The following MAP2K1 variants were observed in gnomAD, a reference collection of about 807,000 sequenced individuals.
MAP2K1 encodes the protein dual specificity mitogen-activated protein kinase kinase 1.
In MAP2K1, 16 loss-of-function variants were observed where a neutral mutation model predicts 46.3. The ratio of observed to expected loss-of-function variants is 0.35; its 90% CI spans 0.23 to 0.52. The LOEUF is 0.52. MAP2K1 is among the 20% of genes least tolerant of loss of function. The pLI is 0.94. For missense variants in MAP2K1, 263 were observed against 497.1 expected (o/e 0.53, Z 4.48); for synonymous variants, 183 against 185.6 (o/e 0.99, Z 0.11).
intron 9 of MAP2K1, 142 bp downstream of exon 9, chr15:66,489,418 T>G (rs145009444): frequency 2.4e-6 from 2 of 829,418 alleles, no homozygotes; most frequent in East Asian, 5.1e-5. Flanking sequence ...GCTGCTGCCA[T>G]AAGCCCTTTT....
chr15:66,461,286 T>G (rs1892312691), intron 5 of MAP2K1, among the ~76,000 whole-genome samples: 1 of 151,856 alleles, frequency 6.6e-6, no homozygotes, highest in Non-Finnish European at 1.5e-5. Flanking sequence ...GGGCAGGAGT[T>G]TGAAACCATC....
chr15:66,469,981 A>G (rs1175032994), intron 5 of MAP2K1, among the ~76,000 whole-genome samples: 1 of 151,562 alleles, frequency 6.6e-6, no homozygotes, highest in Non-Finnish European at 1.5e-5. Flanking sequence ...CTGGCTAGCA[A>G]AAACGTGGCA....
chr15:66,478,478 G>GTA (rs1357251992), intron 5 of MAP2K1, among the ~76,000 whole-genome samples: 116 of 95,840 alleles, frequency 1.2e-3, no homozygotes, highest in African/African-American at 2.9e-3. Context: ...ATATATACAG[G>GTA]TGTATATATA....
intron 5 of MAP2K1, among the ~76,000 whole-genome samples, chr15:66,452,267 C>A (rs1892036933): frequency 7.8e-6 from 1 of 128,354 alleles, no homozygotes; most frequent in African/African-American, 2.9e-5. Flanking sequence ...TGCACATGCA[C>A]CCTAAAACTT....
At chr15:66,462,513 A>AG (rs1892351184) in intron 5 of MAP2K1, among the ~76,000 whole-genome samples, 1 of 151,818 alleles carries the variant, frequency 6.6e-6, no homozygotes, top group African/African-American at 2.4e-5. Flanking sequence ...AAAAAAAAAA[A>AG]AAAGATTGGT....
rs57043037 is a variant in MAP2K1 at position 66,396,995 on chromosome 15, C to CT, written c.80+9595dup. ...CTACCATGCCTGGCCTGTAACGCTT[C>CT]TTTTTTTTTTTTTTTTTTTTTTTTT... On this transcript the variant is annotated intron_variant, in intron 1 of 10. Coordinates refer to ENST00000307102, the MANE Select transcript of MAP2K1 (RefSeq NM_002755.4). Among the ~76,000 whole-genome samples, 286 of 39,270 alleles carry CT rather than the reference C, an allele frequency of 7.3e-3. 49 individuals carry two copies. The highest frequency in any genetic ancestry group is 0.022 in the African/African-American group (221 of 9,990). 25.8% of individuals were successfully genotyped at this position (39,270 alleles called of 152,430 possible). A position where few individuals can be genotyped will look rare whatever the true frequency, so the allele number is the denominator to read the frequency against.
chr15:66,395,509 T>C (rs2093365375), intron 1 of MAP2K1, among the ~76,000 whole-genome samples: 1 of 151,994 alleles, frequency 6.6e-6, no homozygotes, highest in South Asian at 2.1e-4. Context: ...TTCTTACATC[T>C]GTCTGGTCTT....
At chr15:66,473,911 G>T (rs1892697864) in intron 5 of MAP2K1, among the ~76,000 whole-genome samples, 1 of 152,062 alleles carries the variant, frequency 6.6e-6, no homozygotes, top group Non-Finnish European at 1.5e-5. Flanking sequence ...TGAACTCCTG[G>T]CCTCTAGCAA....
intron 1 of MAP2K1, among the ~76,000 whole-genome samples, chr15:66,419,835 A>G (rs1364108504): frequency 1.3e-5 from 2 of 152,146 alleles, no homozygotes; most frequent in Non-Finnish European, 2.9e-5. Context: ...TTTAAAGGAT[A>G]GGAATATGTG....
chr15:66,445,535 A>G (rs1465145626), intron 5 of MAP2K1, among the ~76,000 whole-genome samples: 1 of 152,232 alleles, frequency 6.6e-6, no homozygotes, highest in Non-Finnish European at 1.5e-5. Context: ...CATCCACACA[A>G]ATGTTTAAAG....
At chr15:66,485,337 C>A in intron 7 of MAP2K1, 146 bp downstream of exon 7, 1 of 758,912 alleles carries the variant, frequency 1.3e-6, no homozygotes. Context: ...GGGGAAGCAG[C>A]AAGGGTCTCC....
chr15:66,455,806 G>T (rs1892151861), intron 5 of MAP2K1, among the ~76,000 whole-genome samples: 1 of 152,232 alleles, frequency 6.6e-6, no homozygotes, highest in African/African-American at 2.4e-5. Flanking sequence ...GACAGTCCCA[G>T]TGCCGAAGCT....
In MAP2K1 at chr15:66,485,748, T is replaced by G. The variant is rs192661786; in HGVS notation, c.895+557T>G. ...CACATGCCACCATGCTCAGCTAGGT[T>G]GTTGTTTATTTTGTAGAGATATAGT... On this transcript the variant is annotated intron_variant, in intron 7 of 10. Transcript: ENST00000307102. Among the ~76,000 whole-genome samples the G allele has an allele frequency of 3.1e-3, 466 of 152,144 alleles. 3 individuals are homozygous for G. The highest frequency in any genetic ancestry group is 0.014 in the Middle Eastern group (4 of 294).
intron 5 of MAP2K1, among the ~76,000 whole-genome samples, chr15:66,470,543 A>C (rs976359001): frequency 6.6e-6 from 1 of 152,208 alleles, no homozygotes; most frequent in Non-Finnish European, 1.5e-5. Context: ...AGTAAAACTC[A>C]GAAACAAAAA....
chr15:66,420,713 A>ATATATATATATATATG (rs1468784909), intron 1 of MAP2K1, among the ~76,000 whole-genome samples: 2 of 30,478 alleles, frequency 6.6e-5, no homozygotes, highest in African/African-American at 2.3e-4. Context: ...TGGCATATAT[A>ATATATATATATATATG]TATATATATG....
intron 5 of MAP2K1, among the ~76,000 whole-genome samples, chr15:66,449,618 C>A (rs140027424): frequency 1.3e-5 from 2 of 152,198 alleles, no homozygotes; most frequent in Non-Finnish European, 2.9e-5. Context: ...CGGTGGCTCA[C>A]GCCTGTAATC....
intron 5 of MAP2K1, among the ~76,000 whole-genome samples, chr15:66,474,863 C>T (rs1892720333): frequency 6.6e-6 from 1 of 151,236 alleles, no homozygotes; most frequent in African/African-American, 2.4e-5. Context: ...GAGATCATGC[C>T]ACTGCACGCT....
At chr15:66,420,819 A>ATATATATGTGTATATATATATGTG (rs1567003160) in intron 1 of MAP2K1, among the ~76,000 whole-genome samples, 5 of 61,136 alleles carry the variant, frequency 8.2e-5, no homozygotes, top group African/African-American at 2.8e-4. Flanking sequence ...ATATATGTGT[A>ATATATATGTGTATATATATATGTG]TATATATATG....
intron 1 of MAP2K1, among the ~76,000 whole-genome samples, chr15:66,388,023 A>G (rs988414911): frequency 6.6e-6 from 1 of 152,198 alleles, no homozygotes; most frequent in Non-Finnish European, 1.5e-5. Flanking sequence ...GAAATTGCTC[A>G]AGAAAGCGGC....
Sources: allele counts gnomAD v4.1 joint callset (sites outside exome capture counted in the v4.1 genomes callset), GRCh38; gene constraint gnomAD v4.1.1; transcripts MANE v1.5; gene names NCBI Gene and HGNC (gene_info 2026-07-23, HGNC 2026-07-21).